The following RBFOX1 variants were observed in gnomAD, a reference collection of about 807,000 sequenced individuals.
The protein encoded by RBFOX1 is RNA binding fox-1 homolog 1, also known as RNA binding protein fox-1 homolog 1.
In RBFOX1, 8 loss-of-function variants were observed where a neutral mutation model predicts 57.7. The ratio of observed to expected loss-of-function variants is 0.14; its 90% CI spans 0.08 to 0.25. The LOEUF (loss-of-function observed/expected upper bound fraction) is 0.25, where lower values mean the gene tolerates loss of function less well. RBFOX1 is among the 10% of genes least tolerant of loss of function. The pLI is 1.00. For missense variants in RBFOX1, 611 were observed against 548.5 expected (o/e 1.11, Z -1.14); for synonymous variants, 326 against 222.4 (o/e 1.47, Z -4.15).
intron 3 of RBFOX1, among the ~76,000 whole-genome samples, chr16:6,948,105 T>C (rs1403981953): frequency 2.0e-5 from 3 of 151,924 alleles, no homozygotes; most frequent in African/African-American, 7.3e-5. Flanking sequence ...TCTTCTGCGG[T>C]TTGAGAAGGA....
At chr16:5,328,452 C>T (rs1336205909) in intron 1 of RBFOX1, among the ~76,000 whole-genome samples, 2 of 152,228 alleles carry the variant, frequency 1.3e-5, no homozygotes, top group Non-Finnish European at 2.9e-5. Flanking sequence ...TTTAAGCCAC[C>T]TAGTCTGTGT....
At chr16:6,874,706 ATAAGTGGGAGC>A (rs1315783382) in intron 3 of RBFOX1, among the ~76,000 whole-genome samples, 3 of 151,948 alleles carry the variant, frequency 2.0e-5, no homozygotes, top group African/African-American at 7.3e-5. Flanking sequence ...ATTCTCGCTT[ATAAGTGGGAGC>A]TAAGCTATAA....
intron 3 of RBFOX1, among the ~76,000 whole-genome samples, chr16:6,663,958 C>G (rs1375813884): frequency 6.6e-6 from 1 of 152,172 alleles, no homozygotes; most frequent in Non-Finnish European, 1.5e-5. Context: ...CAGGCAAAGG[C>G]TAATCCACCT....
intron 4 of RBFOX1, among the ~76,000 whole-genome samples, chr16:5,986,748 G>C (rs1447389495): frequency 2.6e-5 from 4 of 152,148 alleles, no homozygotes; most frequent in Non-Finnish European, 4.4e-5. Flanking sequence ...GTGTCCCATG[G>C]TATGAATATA....
intron 2 of RBFOX1, among the ~76,000 whole-genome samples, chr16:6,436,093 A>C (rs2153015825): frequency 6.6e-6 from 1 of 152,316 alleles, no homozygotes; most frequent in African/African-American, 2.4e-5. Context: ...CAGAATGAGG[A>C]AAGCATGAAA....
At chr16:6,216,803 G>T (rs75974197) in intron 1 of RBFOX1, among the ~76,000 whole-genome samples, 1 of 151,598 alleles carries the variant, frequency 6.6e-6, no homozygotes, top group African/African-American at 2.4e-5. Context: ...ATATGCCTCC[G>T]AATGATTTAT....
intron 1 of RBFOX1, among the ~76,000 whole-genome samples, chr16:5,374,503 C>T (rs2065938130): frequency 6.6e-6 from 1 of 151,996 alleles, no homozygotes; most frequent in Non-Finnish European, 1.5e-5. Flanking sequence ...TATATGGGAG[C>T]AGGCAGCAGT....
intron 4 of RBFOX1, among the ~76,000 whole-genome samples, chr16:7,240,964 A>C (rs1157117013): frequency 2.6e-5 from 4 of 152,196 alleles, no homozygotes. Flanking sequence ...GGAACATTCT[A>C]CTTTTCCCCC....
At chr16:6,450,827 ATATATATATG>A (rs58798443) in intron 2 of RBFOX1, among the ~76,000 whole-genome samples, 3,267 of 35,688 alleles carry the variant, frequency 0.092, 654 homozygotes, top group African/African-American at 0.18. Context: ...ACATATATAT[ATATATATATG>A]TGTATATATA....
chr16:5,758,293 A>C (rs1333979597), intron 3 of RBFOX1, among the ~76,000 whole-genome samples: 1 of 152,212 alleles, frequency 6.6e-6, no homozygotes, highest in Non-Finnish European at 1.5e-5. Flanking sequence ...TCCTTGAAAT[A>C]ATGTTGCCAT....
At chr16:6,252,237 C>T (rs2097621005) in intron 1 of RBFOX1, among the ~76,000 whole-genome samples, 1 of 152,002 alleles carries the variant, frequency 6.6e-6, no homozygotes, top group Non-Finnish European at 1.5e-5. Flanking sequence ...TTTCTTCTCT[C>T]AATACGCCCC....
chr16:7,074,619 G>C (rs866715328), intron 4 of RBFOX1, among the ~76,000 whole-genome samples: 2 of 152,240 alleles, frequency 1.3e-5, no homozygotes, highest in Middle Eastern at 3.4e-3. Flanking sequence ...TTGGATTTCT[G>C]AATGGAGAGA....
chr16:5,724,539 G>T (rs565509754), intron 3 of RBFOX1, among the ~76,000 whole-genome samples: 2 of 152,306 alleles, frequency 1.3e-5, no homozygotes, highest in African/African-American at 4.8e-5. Context: ...AGAGCTTAGG[G>T]AAGGCATCTG....
At chr16:6,480,146 C>A (rs74688883) in intron 2 of RBFOX1, among the ~76,000 whole-genome samples, 2 of 151,866 alleles carry the variant, frequency 1.3e-5, no homozygotes, top group African/African-American at 2.4e-5. Context: ...TAGTTTTTAC[C>A]TGAGTTTGAG....
At chr16:5,348,812 A>C (rs745874807) in intron 1 of RBFOX1, among the ~76,000 whole-genome samples, 20 of 152,198 alleles carry the variant, frequency 1.3e-4, no homozygotes, top group Non-Finnish European at 4.4e-5. Flanking sequence ...TTTATGCATT[A>C]ATTTGTCAGC....
At chr16:6,485,435 A>G (rs1183224444) in intron 2 of RBFOX1, among the ~76,000 whole-genome samples, 1 of 150,392 alleles carries the variant, frequency 6.6e-6, no homozygotes, top group African/African-American at 2.5e-5. Context: ...ATTTCTTTCC[A>G]TCTTTCTGTC....
At chr16:7,283,669 A>C (rs1239441866) in intron 4 of RBFOX1, among the ~76,000 whole-genome samples, 2 of 152,104 alleles carry the variant, frequency 1.3e-5, no homozygotes, top group African/African-American at 4.8e-5. Context: ...CATCTTCTAA[A>C]ATAAGACTCT....
chr16:6,996,150 G>A (rs1031488273), intron 3 of RBFOX1, among the ~76,000 whole-genome samples: 2 of 152,100 alleles, frequency 1.3e-5, no homozygotes, highest in Non-Finnish European at 2.9e-5. Context: ...TCTGAAACTT[G>A]GTCATCTGAA....
At chr16:6,044,603 G>C (rs577181326) in intron 1 of RBFOX1, among the ~76,000 whole-genome samples, 1 of 152,258 alleles carries the variant, frequency 6.6e-6, no homozygotes, top group East Asian at 1.9e-4. Flanking sequence ...TTTGATTAAG[G>C]TGTGAAATTT....
Sources: gnomAD v4.1 joint callset for allele counts (sites outside exome capture counted in the v4.1 genomes callset) on GRCh38, gnomAD v4.1.1 for gene constraint, MANE v1.5 for transcripts, NCBI Gene and HGNC (gene_info 2026-07-23, HGNC 2026-07-21) for gene names.